COP1: variants seen among roughly 807,000 people sequenced by gnomAD.
The protein encoded by COP1 is E3 ubiquitin-protein ligase COP1.
A neutral mutation model predicts 101.3 loss-of-function variants in COP1; 24 were observed. The observed-to-expected ratio is 0.24, with a 90% confidence interval of 0.17 to 0.33. The LOEUF (loss-of-function observed/expected upper bound fraction) is 0.33, where lower values mean the gene tolerates loss of function less well. Ranked by LOEUF, COP1 falls within the 10% of genes least tolerant of loss-of-function variation. The pLI is 1.00. For synonymous variants in COP1, 347 were observed against 341.9 expected, an observed-to-expected ratio of 1.01 and a Z score of -0.17; for missense variants, 663 against 906.2, an observed-to-expected ratio of 0.73 and a Z score of 3.45.
intron 11 of COP1, among the ~76,000 whole-genome samples, chr1:176,054,872 G>A (rs1383262490): frequency 6.6e-6 from 1 of 152,078 alleles, no homozygotes; most frequent in African/African-American, 2.4e-5. Context: ...ACAAAAAAAA[G>A]TTTTCCATAA....
chr1:176,039,806 T>C (rs1423545529), intron 14 of COP1, among the ~76,000 whole-genome samples: 2 of 152,030 alleles, frequency 1.3e-5, no homozygotes, highest in African/African-American at 4.8e-5. Context: ...GACCATTCAA[T>C]AGGGAAAGGA....
intron 11 of COP1, among the ~76,000 whole-genome samples, chr1:176,080,375 A>G (rs1032180185): frequency 6.6e-6 from 1 of 152,162 alleles, no homozygotes; most frequent in African/African-American, 2.4e-5. Flanking sequence ...AGCAGATAAG[A>G]GCAAATTAAA....
At chr1:176,099,768 G>A (rs537490577) in intron 9 of COP1, among the ~76,000 whole-genome samples, 149 of 152,112 alleles carry the variant, frequency 9.8e-4, no homozygotes, top group Non-Finnish European at 1.3e-3. Flanking sequence ...TCATACCCTT[G>A]TCTACACAGC....
chr1:175,958,026 G>A (rs865784228), intron 18 of COP1, among the ~76,000 whole-genome samples: 10 of 152,014 alleles, frequency 6.6e-5, no homozygotes, highest in South Asian at 2.1e-4. Context: ...GGAGAAGGGA[G>A]GGGACTGATT....
intron 1 of COP1, among the ~76,000 whole-genome samples, chr1:176,190,136 C>T (rs1698963162): frequency 6.6e-6 from 1 of 152,036 alleles, no homozygotes; most frequent in South Asian, 2.1e-4. Flanking sequence ...TATCCATCAT[C>T]CAAAATGGTT....
chr1:176,087,906 C>T (rs1680513987), intron 9 of COP1, among the ~76,000 whole-genome samples: 1 of 152,106 alleles, frequency 6.6e-6, no homozygotes, highest in Non-Finnish European at 1.5e-5. Flanking sequence ...ACATATACAC[C>T]ATGGAATACT....
In COP1 at chr1:176,163,861, C is replaced by T. The variant is rs746336083; in HGVS notation, c.596G>A (p.Arg199Lys). ...VNELILKQKQ[R>K]FEEKRFKLDH... is the part of the protein sequence containing the mutation. ...CAATTTGAACCTCTTTTCCTCAAAT[C>T]TTTGCTTCTGTTTAAGAATGAGTTC... is the stretch of plus-strand genomic sequence containing the variant. Residue 199 changes from arginine to lysine, a missense_variant, in exon 4 of 20, where the codon AGA becomes AAA. Physicochemically the swap from Arg to Lys is conservative, Grantham distance 26. Coordinates refer to ENST00000367669, the MANE Select transcript of COP1 (RefSeq NM_022457.7). 1 of 1,608,612 alleles carries T rather than the reference C, an allele frequency of 6.2e-7. No individual in the cohort carries two copies. The highest frequency in any genetic ancestry group is 8.5e-7 in the Non-Finnish European group (1 of 1,176,682).
At chr1:176,183,558 A>T (rs557225605) in intron 2 of COP1, among the ~76,000 whole-genome samples, 15 of 152,280 alleles carry the variant, frequency 9.9e-5, no homozygotes, top group African/African-American at 3.6e-4. Context: ...TTCTCAAAAA[A>T]TTACAAACAA....
At chr1:176,050,990 ATACAT>A (rs1311852126) in intron 11 of COP1, among the ~76,000 whole-genome samples, 12 of 152,204 alleles carry the variant, frequency 7.9e-5, no homozygotes, top group Non-Finnish European at 5.9e-5. Context: ...GAATAATAAT[ATACAT>A]TACATTATAT....
intron 11 of COP1, among the ~76,000 whole-genome samples, chr1:176,066,869 G>C (rs1403454095): frequency 6.6e-6 from 1 of 152,094 alleles, no homozygotes; most frequent in Non-Finnish European, 1.5e-5. Flanking sequence ...AGTTACATGT[G>C]ATTGATCCCC....
In COP1 at chr1:175,999,120, TAAA is replaced by T. The variant is rs1660986241; in HGVS notation, c.1730-9644_1730-9642del. ...AGTAAATGTAGCATCTAATAGCAAA[TAAA>T]AAATTAAAAATAAAAATGTACAATT... On this transcript the variant is annotated intron_variant, in intron 15 of 19. Transcript: ENST00000367669. 3.3e-5 allele frequency among the ~76,000 whole-genome samples: 5 copies of T among 152,076 alleles called. No individual in the cohort carries two copies. The South Asian group carries it at 1.0e-3, about 32-fold the overall frequency.
chr1:176,128,742 T>C (rs1368299287), intron 8 of COP1, among the ~76,000 whole-genome samples: 1 of 151,980 alleles, frequency 6.6e-6, no homozygotes, highest in Non-Finnish European at 1.5e-5. Flanking sequence ...TAAGCATTAG[T>C]TCAATTTGAT....
At position 176,036,621 on chromosome 1, in the gene COP1, G is replaced by T. The variant is rs572738512; in HGVS notation, c.1612+6565C>A. ...CTTATGATTTTTTGACTTTACAATG[G>T]TGAGAATGCAATGTGCATTCAGTAG... On this transcript the variant is annotated intron_variant, in intron 14 of 19. Coordinates refer to ENST00000367669, the MANE Select transcript of COP1 (RefSeq NM_022457.7). Among the ~76,000 whole-genome samples the T allele has an allele frequency of 1.8e-4, 28 of 151,848 alleles. No homozygotes were observed. In the South Asian group the frequency reaches 5.8e-3, roughly 32 times the overall value.
At chr1:176,181,427 C>CA (rs35756525) in intron 2 of COP1, among the ~76,000 whole-genome samples, 1,597 of 147,054 alleles carry the variant, frequency 0.011, 24 homozygotes, top group African/African-American at 0.034. Context: ...AACAAAACTG[C>CA]AAAAAAAAAA....
At chr1:176,104,450 C>T (rs1683955022) in intron 9 of COP1, among the ~76,000 whole-genome samples, 1 of 151,834 alleles carries the variant, frequency 6.6e-6, no homozygotes, top group Non-Finnish European at 1.5e-5. Context: ...TAAATTGAAC[C>T]CAAAAAGTCA....
chr1:176,168,613 G>A (rs1387392073), intron 3 of COP1: 1 of 202,784 alleles, frequency 4.9e-6, no homozygotes, highest in East Asian at 1.7e-4. Flanking sequence ...GAGTATATAG[G>A]GAGTGGTAAT....
At chr1:176,151,343 GAAAGAAAGAA>G (rs1558211365) in intron 5 of COP1, among the ~76,000 whole-genome samples, 5 of 117,422 alleles carry the variant, frequency 4.3e-5, no homozygotes, top group African/African-American at 1.0e-4. Flanking sequence ...AAGAAGGAAG[GAAAGAAAGAA>G]AAAGAAAGAA....
At chr1:176,056,103 A>G (rs1217003575) in intron 11 of COP1, among the ~76,000 whole-genome samples, 1 of 152,098 alleles carries the variant, frequency 6.6e-6, no homozygotes, top group Non-Finnish European at 1.5e-5. Context: ...TCCGTGTGGT[A>G]TATTTTTCCT....
At chr1:175,950,671 G>A (rs12738119) in intron 18 of COP1, among the ~76,000 whole-genome samples, 274 of 151,928 alleles carry the variant, frequency 1.8e-3, no homozygotes, top group African/African-American at 6.2e-3. Context: ...TTTGGAAACC[G>A]GCAGTTTTAC....
Sources: allele counts gnomAD v4.1 joint callset (sites outside exome capture counted in the v4.1 genomes callset), GRCh38; gene constraint gnomAD v4.1.1; transcripts MANE v1.5; gene names NCBI Gene and HGNC (gene_info 2026-07-23, HGNC 2026-07-21).